ADGRB3: variants seen among roughly 807,000 people sequenced by gnomAD.
ADGRB3 encodes the protein adhesion G protein-coupled receptor B3, also known as brain-specific angiogenesis inhibitor 3.
A neutral mutation model predicts 193.4 loss-of-function variants in ADGRB3; 37 were observed. The observed-to-expected ratio is 0.19, with a 90% CI of 0.15 to 0.25. The LOEUF (loss-of-function observed/expected upper bound fraction) is 0.25, where lower values mean the gene tolerates loss of function less well. Ranked by LOEUF, ADGRB3 falls within the 10% of genes least tolerant of loss-of-function variation. The pLI is 1.00. For synonymous variants in ADGRB3, 690 were observed against 644.2 expected, an observed-to-expected ratio of 1.07 and a Z score of -1.08; for missense variants, 1,637 against 1,852.9, an observed-to-expected ratio of 0.88 and a Z score of 2.14.
chr6:69,308,387 G>A (rs1768108821), intron 20 of ADGRB3, among the ~76,000 whole-genome samples: 1 of 150,710 alleles, frequency 6.6e-6, no homozygotes, highest in Non-Finnish European at 1.5e-5. Context: ...AGGGAGATAT[G>A]GAGGAATTGA....
rs1355350379 is a variant in ADGRB3 at position 69,354,282 on chromosome 6, A to G, written c.3509A>G (p.Asn1170Ser). The G allele has an allele frequency of 1.2e-6, 2 of 1,614,072 alleles. No homozygotes were observed. Among genetic ancestry groups the G allele is most frequent in the Non-Finnish European group, 8.5e-7 (1 of 1,179,974 alleles). ...TTGAGAAACTGTCAGGATCCCATCA[A>G]TGCAGATTCTTCGAGTTCGTTTCCT... Reference protein sequence around the residue: ...CRLRNCQDPINADSSSSFPNG... With the variant: ...CRLRNCQDPISADSSSSFPNG... The change falls in exon 27 of 32, where the codon AAT becomes AGT. Residue 1170 changes from asparagine (N) to serine (S), a missense_variant. Around this residue, in one of 7 missense-constraint regions of ADGRB3, gnomAD observed 116 missense variants for 168.1 expected, o/e 0.69. Coordinates refer to ENST00000370598, the MANE Select transcript of ADGRB3 (RefSeq NM_001704.3).
chr6:69,227,151 A>T (rs755012854), intron 17 of ADGRB3, among the ~76,000 whole-genome samples: 11 of 152,194 alleles, frequency 7.2e-5, no homozygotes, highest in Non-Finnish European at 1.6e-4. Flanking sequence ...GAAACAGGTA[A>T]TGTGAATATT....
rs146113614 is a variant in ADGRB3, at chr6:68,898,265, G to A, written c.758-32294G>A. Among the ~76,000 whole-genome samples the A allele has an allele frequency of 4.2e-4, 64 of 152,058 alleles. No individual in the cohort carries two copies. The East Asian group carries it at 0.012, about 28-fold the overall frequency. On this transcript the variant is annotated intron_variant, in intron 3 of 31. Transcript: ENST00000370598. ...GTCTAAGGGCAGGAGAAGATGGATGGATGTCCTAGCTCCAGAAGACTGTAA... is the reference window on the plus strand; with the variant it reads ...GTCTAAGGGCAGGAGAAGATGGATGAATGTCCTAGCTCCAGAAGACTGTAA...
At position 69,116,532 on chromosome 6, in the gene ADGRB3, T is replaced by G. The variant is rs189926735; in HGVS notation, c.2480+40494T>G. On this transcript the variant is annotated intron_variant, in intron 17 of 31. Coordinates refer to ENST00000370598, the MANE Select transcript of ADGRB3 (RefSeq NM_001704.3). ...AAAGTTGTGTGAAATAAAATTTTCT[T>G]TGATAATATACATGTAAGCTAGGAG... is the stretch of plus-strand genomic sequence containing the variant. Among the ~76,000 whole-genome samples the G allele has an allele frequency of 2.6e-5, 4 of 152,308 alleles. No homozygotes were observed. The East Asian group carries it at 5.8e-4, about 22-fold the overall frequency.
At chr6:69,156,225 A>G (rs314208) in intron 17 of ADGRB3, among the ~76,000 whole-genome samples, 1 of 152,180 alleles carries the variant, frequency 6.6e-6, no homozygotes, top group Non-Finnish European at 1.5e-5. Context: ...TAGCAAGATA[A>G]TGGCAGAAAA....
intron 3 of ADGRB3, among the ~76,000 whole-genome samples, chr6:68,915,415 T>C (rs1766850493): frequency 6.6e-6 from 1 of 152,106 alleles, no homozygotes; most frequent in Non-Finnish European, 1.5e-5. Context: ...GGATAAAATG[T>C]AATGACAGAA....
intron 20 of ADGRB3, among the ~76,000 whole-genome samples, chr6:69,320,923 TA>T (rs763233918): frequency 1.3e-5 from 2 of 151,482 alleles, no homozygotes; most frequent in Non-Finnish European, 3.0e-5. Context: ...AATATATCTT[TA>T]AATGCTACCT....
chr6:69,121,092 A>C (rs1773671901), intron 17 of ADGRB3, among the ~76,000 whole-genome samples: 1 of 150,300 alleles, frequency 6.7e-6, no homozygotes, highest in Non-Finnish European at 1.5e-5. Flanking sequence ...TAGTGGAGAG[A>C]AGGTCAGCAG....
chr6:68,727,024 A>C (rs1040213666), intron 3 of ADGRB3, among the ~76,000 whole-genome samples: 1 of 151,566 alleles, frequency 6.6e-6, no homozygotes, highest in Non-Finnish European at 1.5e-5. Flanking sequence ...ACCTTTAATC[A>C]GAAATGCTCT....
At chr6:69,289,059 G>A (rs1767611445) in intron 20 of ADGRB3, among the ~76,000 whole-genome samples, 1 of 152,058 alleles carries the variant, frequency 6.6e-6, no homozygotes, top group Non-Finnish European at 1.5e-5. Context: ...TGGAGAGAAG[G>A]GTCCCTATCC....
chr6:69,379,881 T>G (rs562482835), intron 30 of ADGRB3, among the ~76,000 whole-genome samples: 2 of 152,144 alleles, frequency 1.3e-5, no homozygotes, highest in African/African-American at 4.8e-5. Context: ...AGCATACAAA[T>G]TTTTCATTTG....
intron 3 of ADGRB3, among the ~76,000 whole-genome samples, chr6:68,782,168 G>A (rs1766867143): frequency 3.1e-5 from 4 of 127,168 alleles, no homozygotes; most frequent in South Asian, 4.9e-4. Context: ...TCCCCTTCCT[G>A]TGTCCATGTG....
intron 3 of ADGRB3, among the ~76,000 whole-genome samples, chr6:68,643,406 C>G (rs969559990): frequency 7.4e-6 from 1 of 135,390 alleles, no homozygotes; most frequent in African/African-American, 2.7e-5. Flanking sequence ...TAGGAGTCAT[C>G]ATTCACCTTT....
At chr6:69,360,763 A>C in intron 28 of ADGRB3, 106 bp from the exon 29 acceptor site, 2 of 1,190,932 alleles carry the variant, frequency 1.7e-6, no homozygotes, top group Non-Finnish European at 2.3e-6. Context: ...ATACCTACCA[A>C]ATAATATATC....
intron 26 of ADGRB3, among the ~76,000 whole-genome samples, chr6:69,341,032 T>C (rs1405103887): frequency 6.6e-6 from 1 of 152,240 alleles, no homozygotes; most frequent in Non-Finnish European, 1.5e-5. Context: ...GCATTTGGAT[T>C]GGTTCCAAGT....
chr6:68,955,972 G>A, intron 6 of ADGRB3, 52 bp from the exon 7 acceptor site: 1 of 1,583,422 alleles, frequency 6.3e-7, no homozygotes, highest in Non-Finnish European at 8.6e-7. Context: ...TTTCTGTACA[G>A]CTTGTCCTAT....
At chr6:69,133,230 A>G (rs919076410) in intron 17 of ADGRB3, among the ~76,000 whole-genome samples, 6 of 152,240 alleles carry the variant, frequency 3.9e-5, no homozygotes, top group Non-Finnish European at 7.4e-5. Flanking sequence ...GGCCATTTTC[A>G]TGATATTGAT....
intron 3 of ADGRB3, among the ~76,000 whole-genome samples, chr6:68,766,008 A>T (rs901980837): frequency 1.5e-4 from 23 of 152,030 alleles, no homozygotes; most frequent in Non-Finnish European, 2.9e-5. Context: ...TCACAAATTT[A>T]TATGCCATTA....
chr6:69,359,854 TAC>T (rs1248740111), intron 28 of ADGRB3, among the ~76,000 whole-genome samples: 1 of 151,898 alleles, frequency 6.6e-6, no homozygotes, highest in African/African-American at 2.4e-5. Context: ...ATTCCAAAGT[TAC>T]AAAAATAAGT....
Sources: allele counts gnomAD v4.1 joint callset (sites outside exome capture counted in the v4.1 genomes callset), GRCh38; gene constraint gnomAD v4.1.1; regional missense constraint gnomAD v4.1.1; transcripts MANE v1.5; gene names NCBI Gene and HGNC (gene_info 2026-07-23, HGNC 2026-07-21).